Variants in MTREX observed in about 807,000 individuals in gnomAD.
The protein encoded by MTREX is exosome RNA helicase MTR4.
In MTREX, 76 loss-of-function variants were observed where a neutral mutation model predicts 135.4. The ratio of observed to expected loss-of-function variants is 0.56; its 90% CI spans 0.47 to 0.68. The LOEUF is 0.68. MTREX is among the 30% of genes least tolerant of loss of function. The pLI is 0.00. For synonymous variants in MTREX, 404 were observed against 401.6 expected, an observed-to-expected ratio of 1.01 and a Z score of -0.07; for missense variants, 920 against 1,262.1, an observed-to-expected ratio of 0.73 and a Z score of 4.11.
chr5:55,354,783 C>A (rs148069685), intron 14 of MTREX, among the ~76,000 whole-genome samples: 1 of 152,156 alleles, frequency 6.6e-6, no homozygotes, highest in Non-Finnish European at 1.5e-5. Flanking sequence ...CCTTCCTACC[C>A]AATAAAGGCA....
In MTREX at chr5:55,358,689, A is replaced by G. The variant is rs753227897; in HGVS notation, c.1650A>G (p.Gln550=). 5 of 1,594,576 alleles carry G rather than the reference A, an allele frequency of 3.1e-6. No homozygotes were observed. The highest frequency in any genetic ancestry group is 1.9e-5 in the Admixed American group (1 of 53,816). The change falls in exon 15 of 27, where the codon CAA becomes CAG. Residue 550 remains glutamine (Q), a synonymous_variant. Coordinates refer to ENST00000230640, the MANE Select transcript of MTREX (RefSeq NM_015360.5). ...AGATGAGCCCAACAATTGGAAAACA[A>G]TTACTTAAGGTAACTACATTAAGAT... ...DEKMSPTIGK[Q]LLKGSADPLN...
At chr5:55,344,968 G>A in intron 9 of MTREX, 126 bp from the exon 10 acceptor site, 1 of 637,894 alleles carries the variant, frequency 1.6e-6, no homozygotes, top group South Asian at 2.2e-5. Context: ...GATCATGTTT[G>A]GACTATTTTA....
intron 4 of MTREX, among the ~76,000 whole-genome samples, chr5:55,328,110 C>CGGAA (rs1237166682): frequency 3.3e-5 from 5 of 152,036 alleles, no homozygotes; most frequent in African/African-American, 1.2e-4. Flanking sequence ...CTAATGAAAC[C>CGGAA]GGAACTCTGT....
At chr5:55,395,138 G>C (rs1453217804) in intron 19 of MTREX, among the ~76,000 whole-genome samples, 1 of 152,162 alleles carries the variant, frequency 6.6e-6, no homozygotes, top group Non-Finnish European at 1.5e-5. Context: ...GGCCGTGGTG[G>C]CTCACGCCTT....
chr5:55,339,862 A>C, intron 5 of MTREX, 148 bp from the exon 6 acceptor site: 1 of 412,046 alleles, frequency 2.4e-6, no homozygotes. Context: ...TATAATTATT[A>C]GTATAATAGA....
intron 5 of MTREX, among the ~76,000 whole-genome samples, chr5:55,339,069 G>A (rs1749600817): frequency 6.6e-6 from 1 of 152,020 alleles, no homozygotes. Context: ...TAGGATTATA[G>A]GTGTGAGCCA....
intron 23 of MTREX, among the ~76,000 whole-genome samples, chr5:55,411,763 GTGTT>G (rs972786527): frequency 4.9e-4 from 74 of 152,170 alleles, no homozygotes; most frequent in African/African-American, 1.6e-3. Context: ...ACAAAATATT[GTGTT>G]TGTTTTTCCT....
Position 55,308,017 on chromosome 5 carries a change from G to A in MTREX, c.4G>A (p.Ala2Thr), listed in dbSNP as rs751154379. The change falls in exon 1 of 27, where the codon GCG becomes ACG. Residue 2 changes from alanine (A) to threonine (T), a missense_variant. Ala to Thr is a moderately conservative substitution (Grantham distance 58). Transcript: ENST00000230640. M[A>T]DAFGDELFSV... ...TTTGCTCTCACTGCTCCCAAAAATGGCGGACGCATTCGGAGATGAGCTGTT... is the reference window on the plus strand; with the variant it reads ...TTTGCTCTCACTGCTCCCAAAAATGACGGACGCATTCGGAGATGAGCTGTT... 3 of 1,614,192 alleles carry A rather than the reference G, an allele frequency of 1.9e-6. No homozygotes were observed. The highest frequency in any genetic ancestry group is 1.7e-5 in the Admixed American group (1 of 60,022).
intron 16 of MTREX, among the ~76,000 whole-genome samples, chr5:55,367,129 A>G (rs1477259359): frequency 2.6e-5 from 4 of 152,216 alleles, no homozygotes; most frequent in Non-Finnish European, 5.9e-5. Flanking sequence ...TATATGTCAT[A>G]TAACTCATGG....
At chr5:55,420,501 T>C (rs1751037506) in intron 25 of MTREX, among the ~76,000 whole-genome samples, 1 of 152,188 alleles carries the variant, frequency 6.6e-6, no homozygotes, top group Non-Finnish European at 1.5e-5. Flanking sequence ...GGCAAGGTGT[T>C]CCATTGTAAT....
In MTREX at chr5:55,328,754, A is replaced by C; in HGVS notation, c.458A>C (p.Asn153Thr). The part of the protein sequence containing the change: ...FQREAIQCVD[N>T]NQSVLVSAHT... ...AGAGAGGCCATTCAGTGTGTTGACA[A>C]TAATCAGTCTGTTCTAGTATCTGCA... The change falls in exon 5 of 27, where the codon AAT becomes ACT. Residue 153 changes from asparagine to threonine, a missense_variant. By Grantham distance (65) the Asn-to-Thr change is moderately conservative (BLOSUM62 0). This residue lies in a region of MTREX where 82 missense variants were observed against 107.4 expected (regional missense o/e 0.76). Coordinates refer to ENST00000230640, the MANE Select transcript of MTREX (RefSeq NM_015360.5). 6.2e-7 allele frequency: 1 copy of C among 1,613,738 alleles called. No homozygotes were observed. The highest frequency in any genetic ancestry group is 2.2e-5 in the East Asian group (1 of 44,844).
intron 25 of MTREX, 103 bp downstream of exon 25, chr5:55,416,235 A>C: frequency 1.4e-6 from 1 of 702,798 alleles, no homozygotes. Flanking sequence ...AATATTTGGT[A>C]ACTAAATGAA....
At chr5:55,308,528 G>T (rs749075370) in intron 1 of MTREX, among the ~76,000 whole-genome samples, 6 of 151,894 alleles carry the variant, frequency 4.0e-5, no homozygotes, top group Non-Finnish European at 8.8e-5. Context: ...GATTTGGAGG[G>T]GAAAGGGCAG....
At chr5:55,408,287 A>T (rs1038917178) in intron 22 of MTREX, among the ~76,000 whole-genome samples, 2 of 152,116 alleles carry the variant, frequency 1.3e-5, no homozygotes, top group Admixed American at 6.6e-5. Flanking sequence ...GAACTTCTTC[A>T]ATCTGGTTTT....
chr5:55,388,097 A>AT lies in MTREX; in HGVS notation c.2177dup (p.Met726IlefsTer18). The AT allele has an allele frequency of 6.2e-7, 1 of 1,604,466 alleles. No individual in the cohort carries two copies. Among genetic ancestry groups the AT allele is most frequent in the Non-Finnish European group, 8.5e-7 (1 of 1,173,762 alleles). ...AGCTAAACCTGATGAGAAAGGAGAG[A>AT]TGCAGGTTTGTACATAACTTTCTGT... On this transcript the variant is annotated frameshift_variant, in exon 19 of 27. Transcript: ENST00000230640. LOFTEE classifies it high-confidence loss of function.
intron 16 of MTREX, among the ~76,000 whole-genome samples, chr5:55,369,385 T>TTA (rs1306013187): frequency 6.6e-6 from 1 of 152,210 alleles, no homozygotes; most frequent in African/African-American, 2.4e-5. Context: ...CAGCTAGCAG[T>TTA]TAGACTGTTT....
chr5:55,320,723 C>T (rs1472486011), intron 1 of MTREX, among the ~76,000 whole-genome samples: 1 of 152,148 alleles, frequency 6.6e-6, no homozygotes, highest in Non-Finnish European at 1.5e-5. Flanking sequence ...TGGAATCATA[C>T]AAAATATATT....
intron 1 of MTREX, among the ~76,000 whole-genome samples, chr5:55,319,055 T>C (rs894029406): frequency 6.6e-6 from 1 of 152,152 alleles, no homozygotes; most frequent in Non-Finnish European, 1.5e-5. Flanking sequence ...ATAATGCATA[T>C]GTATATGTGT....
intron 20 of MTREX, 22 bp from the exon 21 acceptor site, chr5:55,400,211 G>A (rs1750703048): frequency 6.6e-7 from 1 of 1,525,680 alleles, no homozygotes; most frequent in Non-Finnish European, 8.8e-7. Context: ...AGATGAAAAT[G>A]AATTTTACAT....
Sources: gnomAD v4.1 joint callset for allele counts (sites outside exome capture counted in the v4.1 genomes callset) on GRCh38, gnomAD v4.1.1 for gene constraint, gnomAD v4.1.1 regional missense constraint, MANE v1.5 for transcripts, NCBI Gene and HGNC (gene_info 2026-07-23, HGNC 2026-07-21) for gene names.